The following PIK3R4 variants were observed in gnomAD, a reference collection of about 807,000 sequenced individuals.
The protein encoded by PIK3R4 is phosphoinositide-3-kinase regulatory subunit 4.
In PIK3R4, 46 loss-of-function variants were observed where a neutral mutation model predicts 136.5. The ratio of observed to expected loss-of-function variants is 0.34; its 90% CI spans 0.27 to 0.43. The LOEUF (loss-of-function observed/expected upper bound fraction) is 0.43, where lower values mean the gene tolerates loss of function less well. PIK3R4 is among the 20% of genes least tolerant of loss of function. PIK3R4 has a pLI of 1.00. For synonymous variants in PIK3R4, 557 were observed against 566.7 expected (o/e 0.98, Z 0.24); for missense variants, 1,331 against 1,649.5 (o/e 0.81, Z 3.35).
intron 6 of PIK3R4, among the ~76,000 whole-genome samples, chr3:130,727,992 TTTAAC>T (rs1373586353): frequency 4.3e-5 from 6 of 138,792 alleles, no homozygotes; most frequent in African/African-American, 1.5e-4. Flanking sequence ...ACACAAAGCC[TTTAAC>T]TTAATTCTTT....
intron 9 of PIK3R4, among the ~76,000 whole-genome samples, chr3:130,713,964 G>A (rs766746095): frequency 8.5e-5 from 13 of 152,126 alleles, no homozygotes; most frequent in African/African-American, 1.2e-4. Flanking sequence ...GAGCCACCGC[G>A]CCGGGCCTGG....
intron 6 of PIK3R4, among the ~76,000 whole-genome samples, chr3:130,724,935 GA>G (rs1471714868): frequency 6.6e-6 from 1 of 151,894 alleles, no homozygotes; most frequent in Non-Finnish European, 1.5e-5. Context: ...AATAAAAGCA[GA>G]AAGCTGAGTA....
At chr3:130,745,497 C>T (rs2066847524) in intron 1 of PIK3R4, among the ~76,000 whole-genome samples, 1 of 152,194 alleles carries the variant, frequency 6.6e-6, no homozygotes, top group Non-Finnish European at 1.5e-5. Flanking sequence ...AAATACCCTG[C>T]TATTGCGCAT....
At position 130,711,509 on chromosome 3, in the gene PIK3R4, A is replaced by G. The variant is rs910659389; in HGVS notation, c.2332-3017T>C. Among the ~76,000 whole-genome samples the G allele has an allele frequency of 3.3e-5, 5 of 152,342 alleles. No individual in the cohort carries two copies. In the East Asian group the frequency reaches 9.6e-4, roughly 29 times the overall value. On this transcript the variant is annotated intron_variant, in intron 9 of 19. Coordinates refer to ENST00000356763, the MANE Select transcript of PIK3R4 (RefSeq NM_014602.3). Reference sequence around the variant, plus strand: ...CAGAGGGCTACAGAAGGGTCTCCTCAAGTCTTTGGCTGAATATGAAACTAT... The same window carrying G: ...CAGAGGGCTACAGAAGGGTCTCCTCGAGTCTTTGGCTGAATATGAAACTAT...
chr3:130,727,253 C>T (rs1253248714), intron 6 of PIK3R4, among the ~76,000 whole-genome samples: 1 of 151,356 alleles, frequency 6.6e-6, no homozygotes, highest in African/African-American at 2.4e-5. Flanking sequence ...CGGAGTCTCG[C>T]TCTTTCACCC....
At chr3:130,728,268 A>T (rs1287602403) in intron 6 of PIK3R4, among the ~76,000 whole-genome samples, 195 bp downstream of exon 6, 2 of 152,190 alleles carry the variant, frequency 1.3e-5, no homozygotes, top group African/African-American at 4.8e-5. Context: ...GATGTAACAC[A>T]GGTTGATATA....
At chr3:130,711,045 G>A (rs1559825020) in intron 9 of PIK3R4, among the ~76,000 whole-genome samples, 1 of 151,208 alleles carries the variant, frequency 6.6e-6, no homozygotes, top group East Asian at 1.9e-4. Context: ...GCTGGGAGAT[G>A]TTTTTTTCTA....
At chr3:130,698,407 G>C (rs1291496521) in intron 13 of PIK3R4, among the ~76,000 whole-genome samples, 1 of 151,806 alleles carries the variant, frequency 6.6e-6, no homozygotes. Flanking sequence ...TTTCTTCTTT[G>C]TACCTCTGAC....
At chr3:130,686,550 A>T (rs1458175294) in intron 14 of PIK3R4, 128 bp from the exon 15 acceptor site, 2 of 610,030 alleles carry the variant, frequency 3.3e-6, no homozygotes, top group African/African-American at 3.7e-5. Flanking sequence ...CAAGAAAACG[A>T]AAGCCGACAC....
chr3:130,721,856 T>C (rs1559827577), intron 7 of PIK3R4, among the ~76,000 whole-genome samples: 1 of 152,158 alleles, frequency 6.6e-6, no homozygotes. Flanking sequence ...TAATTAATAA[T>C]AATGTATACT....
intron 2 of PIK3R4, among the ~76,000 whole-genome samples, chr3:130,739,890 G>A (rs1461981796): frequency 6.6e-6 from 1 of 152,060 alleles, no homozygotes; most frequent in Non-Finnish European, 1.5e-5. Flanking sequence ...CTTATCATGA[G>A]GAAACATTAG....
chr3:130,714,752 T>A (rs1019787328), intron 9 of PIK3R4, among the ~76,000 whole-genome samples: 8 of 152,168 alleles, frequency 5.3e-5, no homozygotes, highest in African/African-American at 1.9e-4. Flanking sequence ...TCCAGTTTCA[T>A]CCATGTCCCT....
At position 130,734,110 on chromosome 3, in the gene PIK3R4, A is replaced by G; in HGVS notation, c.888T>C (p.Arg296=). ...IRELVTQMIH[R]EPDKRLEAED... The stretch of plus-strand genomic sequence containing the variant: ...CTGCCTCTAAACGTTTATCTGGCTC[A>G]CGGTGAATCATCTGAGTTACCTATA... Residue 296 remains arginine, a synonymous_variant, in exon 4 of 20, where the codon CGT becomes CGC. Coordinates refer to ENST00000356763, the MANE Select transcript of PIK3R4 (RefSeq NM_014602.3). 1 of 1,612,650 alleles carries G rather than the reference A, an allele frequency of 6.2e-7. No individual in the cohort carries two copies. The highest frequency in any genetic ancestry group is 8.5e-7 in the Non-Finnish European group (1 of 1,179,148).
chr3:130,682,739 C>T (rs1052018839), intron 16 of PIK3R4, among the ~76,000 whole-genome samples: 8 of 152,164 alleles, frequency 5.3e-5, no homozygotes, highest in African/African-American at 1.7e-4. Context: ...ACCCCCTACA[C>T]CCAAACCTTT....
At chr3:130,680,060 CA>C (rs1163413860) in intron 19 of PIK3R4, among the ~76,000 whole-genome samples, 20,276 of 65,354 alleles carry the variant, frequency 0.31, 1,055 homozygotes, top group South Asian at 0.39. Context: ...GACTCCATCT[CA>C]AAAAAAAAAA....
At chr3:130,724,944 G>A (rs1199658071) in intron 6 of PIK3R4, among the ~76,000 whole-genome samples, 1 of 151,984 alleles carries the variant, frequency 6.6e-6, no homozygotes, top group Non-Finnish European at 1.5e-5. Flanking sequence ...AGAAAGCTGA[G>A]TAGTTGCCTC....
At chr3:130,736,445 T>C (rs1215294076) in intron 2 of PIK3R4, among the ~76,000 whole-genome samples, 1 of 152,116 alleles carries the variant, frequency 6.6e-6, no homozygotes, top group Non-Finnish European at 1.5e-5. Flanking sequence ...GGCACACACC[T>C]GTGGTCCCAG....
At chr3:130,718,288 A>T in intron 8 of PIK3R4, 101 bp downstream of exon 8, 1 of 1,005,128 alleles carries the variant, frequency 9.9e-7, no homozygotes, top group Non-Finnish European at 1.5e-6. Flanking sequence ...AGCCCAATTT[A>T]AATACTTAAA....
chr3:130,744,446 A>G (rs1289282168), intron 2 of PIK3R4, 40 bp downstream of exon 2: 2 of 1,540,540 alleles, frequency 1.3e-6, no homozygotes, highest in Non-Finnish European at 1.7e-6. Context: ...GTTAAAAGAA[A>G]AACACATGCT....
Sources: gnomAD v4.1 joint callset for allele counts (sites outside exome capture counted in the v4.1 genomes callset) on GRCh38, gnomAD v4.1.1 for gene constraint, MANE v1.5 for transcripts, NCBI Gene and HGNC (gene_info 2026-07-23, HGNC 2026-07-21) for gene names.